Variants in LHFPL6 observed in about 807,000 individuals in gnomAD.
LHFPL6 encodes LHFPL tetraspan subfamily member 6.
LHFPL6 carries 9 observed loss-of-function variants against 20.6 expected under a neutral mutation model. The observed-to-expected ratio is 0.44, with a 90% CI of 0.26 to 0.76. The LOEUF (loss-of-function observed/expected upper bound fraction) is 0.76. Ranked by LOEUF, LHFPL6 falls within the 30% of genes least tolerant of loss-of-function variation. LHFPL6 has a pLI of 0.20. For synonymous variants in LHFPL6, 105 were observed against 98.7 expected (o/e 1.06, Z -0.38); for missense variants, 218 against 253.5 (o/e 0.86, Z 0.95).
chr13:39,365,285 C>T (rs1374497697), intron 3 of LHFPL6, among the ~76,000 whole-genome samples: 1 of 152,118 alleles, frequency 6.6e-6, no homozygotes, highest in Non-Finnish European at 1.5e-5. Flanking sequence ...TTAATCTGCC[C>T]TCCCTGTCTG....
At chr13:39,345,512 CAAAA>C (rs71077225) in intron 3 of LHFPL6, among the ~76,000 whole-genome samples, 163 of 43,436 alleles carry the variant, frequency 3.8e-3, no homozygotes, top group Non-Finnish European at 6.7e-3. Context: ...GACTCCATCT[CAAAA>C]AAAAAAAAAA....
At chr13:39,526,459 A>C (rs1171372624) in intron 2 of LHFPL6, among the ~76,000 whole-genome samples, 1 of 152,244 alleles carries the variant, frequency 6.6e-6, no homozygotes, top group African/African-American at 2.4e-5. Context: ...GTTAACGCAT[A>C]ATCATGATTT....
At chr13:39,383,826 G>A (rs1870498927) in intron 2 of LHFPL6, among the ~76,000 whole-genome samples, 1 of 152,162 alleles carries the variant, frequency 6.6e-6, no homozygotes, top group African/African-American at 2.4e-5. Flanking sequence ...CTGCAGCCAG[G>A]GGCAAGCCTT....
intron 2 of LHFPL6, among the ~76,000 whole-genome samples, chr13:39,568,448 T>C (rs1871799100): frequency 6.6e-6 from 1 of 152,116 alleles, no homozygotes; most frequent in African/African-American, 2.4e-5. Flanking sequence ...CCATTTCAAT[T>C]TAGTATATAA....
At chr13:39,512,534 G>A (rs1196843194) in intron 2 of LHFPL6, among the ~76,000 whole-genome samples, 5 of 150,576 alleles carry the variant, frequency 3.3e-5, no homozygotes, top group Non-Finnish European at 7.4e-5. Context: ...CCTGGGAGGC[G>A]GAGCTTGCAG....
At chr13:39,393,757 C>A (rs976765307) in intron 2 of LHFPL6, among the ~76,000 whole-genome samples, 1 of 152,090 alleles carries the variant, frequency 6.6e-6, no homozygotes, top group Non-Finnish European at 1.5e-5. Context: ...TTCATTTATT[C>A]ATTCATATAT....
intron 1 of LHFPL6, 108 bp downstream of exon 1, chr13:39,602,775 G>A (rs546528577): frequency 6.6e-6 from 1 of 152,394 alleles, no homozygotes; most frequent in Non-Finnish European, 1.5e-5. Context: ...GCCGAGCTCA[G>A]GAAGTCCGGA....
chr13:39,573,230 CT>C, intron 2 of LHFPL6, among the ~76,000 whole-genome samples: 1 of 152,006 alleles, frequency 6.6e-6, no homozygotes, highest in East Asian at 1.9e-4. Context: ...TCATTCTTGC[CT>C]AAATACTCCT....
chr13:39,417,469 C>T (rs1871377453), intron 2 of LHFPL6, among the ~76,000 whole-genome samples: 2 of 152,150 alleles, frequency 1.3e-5, no homozygotes, highest in African/African-American at 4.8e-5. Context: ...TTCTATTTCC[C>T]TCTGTCATTT....
chr13:39,463,850 T>C (rs7995349), intron 2 of LHFPL6, among the ~76,000 whole-genome samples: 23,740 of 152,164 alleles, frequency 0.16, 3,459 homozygotes, highest in East Asian at 0.51. Context: ...ACTGCAAATA[T>C]GACACACTGC....
intron 2 of LHFPL6, among the ~76,000 whole-genome samples, chr13:39,518,345 A>G (rs1869995368): frequency 1.3e-5 from 2 of 152,226 alleles, no homozygotes; most frequent in African/African-American, 4.8e-5. Flanking sequence ...CTGGGAAAAT[A>G]TAAGAGGTCT....
intron 2 of LHFPL6, among the ~76,000 whole-genome samples, chr13:39,576,059 A>G (rs934202504): frequency 6.6e-6 from 1 of 152,078 alleles, no homozygotes; most frequent in South Asian, 2.1e-4. Context: ...ACCCCAGGGG[A>G]TTTCTTAAAT....
At position 39,457,043 on chromosome 13, in the gene LHFPL6, G is replaced by A. The variant is rs184535701; in HGVS notation, c.386-78517C>T. The stretch of plus-strand genomic sequence containing the variant: ...TTGAACTCTGGACCTCAAGTGATCC[G>A]CCAGCCTCGGCCTCCAAAACTGCTG... On this transcript the variant is annotated intron_variant, in intron 2 of 3. Transcript: ENST00000379589. 9.2e-5 allele frequency among the ~76,000 whole-genome samples: 14 copies of A among 152,174 alleles called. No individual in the cohort carries two copies. In the East Asian group the frequency reaches 1.5e-3, roughly 17 times the overall value.
rs1191921213 is a variant in LHFPL6, at chr13:39,352,899, ATATATATAAATG to A, written c.485-8857_485-8846del. Reference sequence around the variant, plus strand: ...TATATAAATGTATATATATGTGTATATATATATAAATGTATATATATATAAATGTATATATAT... The same window carrying A: ...TATATAAATGTATATATATGTGTATATATATATATATAAATGTATATATAT... On this transcript the variant is annotated intron_variant, in intron 3 of 3. Transcript: ENST00000379589. Among the ~76,000 whole-genome samples, 123 of 34,972 alleles carry A rather than the reference ATATATATAAATG, an allele frequency of 3.5e-3. 8 individuals carry two copies. The highest frequency in any genetic ancestry group is 9.5e-3 in the African/African-American group (109 of 11,432). The allele number at this position is 34,972 out of a possible 152,430, so 22.9% of individuals were successfully genotyped here.
At position 39,377,339 on chromosome 13, in the gene LHFPL6, T is replaced by C. The variant is rs371355249; in HGVS notation, c.484+1089A>G. Reference sequence around the variant, plus strand: ...TCTCTTGTTAATCTGCCTTTTATTATAGGAGCCTTAGGTCTGAATCTAGCA... The same window carrying C: ...TCTCTTGTTAATCTGCCTTTTATTACAGGAGCCTTAGGTCTGAATCTAGCA... On this transcript the variant is annotated intron_variant, in intron 3 of 3. Transcript: ENST00000379589. Among the ~76,000 whole-genome samples the C allele has an allele frequency of 2.6e-3, 400 of 152,352 alleles. 3 individuals carry two copies. The South Asian group carries it at 0.031, about 12-fold the overall frequency.
At chr13:39,378,215 G>T (rs1018140445) in intron 3 of LHFPL6, among the ~76,000 whole-genome samples, 3 of 152,042 alleles carry the variant, frequency 2.0e-5, no homozygotes, top group Non-Finnish European at 4.4e-5. Context: ...TCTTATCTTT[G>T]TATCTACAAT....
At chr13:39,495,991 A>T (rs1566124802) in intron 2 of LHFPL6, among the ~76,000 whole-genome samples, 1 of 152,054 alleles carries the variant, frequency 6.6e-6, no homozygotes, top group Non-Finnish European at 1.5e-5. Flanking sequence ...GGAAATATGG[A>T]TAAAATAAAA....
rs10651944 is a variant in LHFPL6 at position 39,421,112 on chromosome 13, A to AC, written c.386-42587dup. On this transcript the variant is annotated intron_variant, in intron 2 of 3. Transcript: ENST00000379589. ...TCAGATAACAACAACAACAAAAAAAACTAAATCACAAGTGTGAATGCCCGT... is the reference window on the plus strand; with the variant it reads ...TCAGATAACAACAACAACAAAAAAAACCTAAATCACAAGTGTGAATGCCCGT... Among the ~76,000 whole-genome samples the AC allele has an allele frequency of 2.2e-3, 339 of 151,814 alleles. 6 individuals carry two copies. The South Asian group carries it at 0.038, about 17-fold the overall frequency.
chr13:39,415,324 C>T (rs1871321492), intron 2 of LHFPL6, among the ~76,000 whole-genome samples: 1 of 152,076 alleles, frequency 6.6e-6, no homozygotes. Flanking sequence ...ACTATATTGC[C>T]TCAGCCGATA....
Sources: allele counts gnomAD v4.1 joint callset (sites outside exome capture counted in the v4.1 genomes callset), GRCh38; gene constraint gnomAD v4.1.1; transcripts MANE v1.5; gene names NCBI Gene and HGNC (gene_info 2026-07-23, HGNC 2026-07-21).